Variants in NKAIN3 observed in about 807,000 individuals in gnomAD.
NKAIN3 encodes the protein sodium/potassium-transporting ATPase subunit beta-1-interacting protein 3.
NKAIN3 carries 25 observed loss-of-function variants against 30.2 expected under a neutral mutation model. The ratio of observed to expected loss-of-function variants is 0.83; its 90% CI spans 0.60 to 1.16. The LOEUF is 1.16. Among genes scored for constraint, NKAIN3 ranks in the 50% most tolerant of loss-of-function variants. NKAIN3 has a pLI of 0.00. For missense variants in NKAIN3, 225 were observed against 254.1 expected (o/e 0.89, Z 0.78); for synonymous variants, 91 against 89.6 (o/e 1.02, Z -0.09).
intron 3 of NKAIN3, among the ~76,000 whole-genome samples, chr8:62,658,427 C>A (rs1379230159): frequency 3.3e-5 from 5 of 152,250 alleles, no homozygotes; most frequent in Middle Eastern, 3.4e-3. Context: ...TTAGTTGAGG[C>A]TATCATCGGG....
At position 62,387,430 on chromosome 8, in the gene NKAIN3, C is replaced by G. The variant is rs997219224; in HGVS notation, c.54+138303C>G. 2.0e-5 allele frequency among the ~76,000 whole-genome samples: 3 copies of G among 151,962 alleles called. No homozygotes were observed. The East Asian group carries it at 5.8e-4, about 29-fold the overall frequency. ...TGATTAAGTCACTGTCAGCTGCTTTCTGCATGTAAACACCCATCCACATTG... is the reference window on the plus strand; with the variant it reads ...TGATTAAGTCACTGTCAGCTGCTTTGTGCATGTAAACACCCATCCACATTG... On this transcript the variant is annotated intron_variant, in intron 1 of 6. Coordinates refer to ENST00000623646, the MANE Select transcript of NKAIN3 (RefSeq NM_001304533.3).
At chr8:62,320,894 G>T (rs554577461) in intron 1 of NKAIN3, among the ~76,000 whole-genome samples, 34 of 152,208 alleles carry the variant, frequency 2.2e-4, no homozygotes, top group Middle Eastern at 6.8e-3. Flanking sequence ...TGCTAGATTG[G>T]GGAAGTTCTC....
At chr8:62,255,016 G>A (rs979634952) in intron 1 of NKAIN3, among the ~76,000 whole-genome samples, 3 of 152,106 alleles carry the variant, frequency 2.0e-5, no homozygotes, top group Non-Finnish European at 1.5e-5. Context: ...GAAGAATTTC[G>A]TCCTCTAAAA....
intron 3 of NKAIN3, among the ~76,000 whole-genome samples, chr8:62,606,559 T>C (rs2130168720): frequency 6.6e-6 from 1 of 152,244 alleles, no homozygotes; most frequent in East Asian, 1.9e-4. Flanking sequence ...ACAAGCACTA[T>C]ATCCCCACAC....
intron 1 of NKAIN3, among the ~76,000 whole-genome samples, chr8:62,518,706 A>G (rs1008177187): frequency 6.6e-6 from 1 of 152,188 alleles, no homozygotes; most frequent in Admixed American, 6.5e-5. Flanking sequence ...TTTTAAAACT[A>G]TGATTTTTCA....
intron 3 of NKAIN3, among the ~76,000 whole-genome samples, chr8:62,628,338 G>A (rs1811851070): frequency 6.6e-6 from 1 of 152,116 alleles, no homozygotes; most frequent in Non-Finnish European, 1.5e-5. Flanking sequence ...CATTATTGAT[G>A]TACTAAAGTT....
In NKAIN3 at chr8:62,548,648, A is replaced by G. The variant is rs116501281; in HGVS notation, c.55-30891A>G. Among the ~76,000 whole-genome samples the G allele has an allele frequency of 4.1e-3, 630 of 152,288 alleles. 3 individuals carry two copies. The highest frequency in any genetic ancestry group is 0.014 in the African/African-American group (591 of 41,566). On this transcript the variant is annotated intron_variant, in intron 1 of 6. Coordinates refer to ENST00000623646, the MANE Select transcript of NKAIN3 (RefSeq NM_001304533.3). ...CAGTGGAGTAAAATGTCAGAAAATA[A>G]AAATTGTGAAAATTCTAACATGGAA...
At chr8:62,536,258 A>G (rs1808659328) in intron 1 of NKAIN3, among the ~76,000 whole-genome samples, 1 of 152,182 alleles carries the variant, frequency 6.6e-6, no homozygotes, top group African/African-American at 2.4e-5. Context: ...AATTACTTCA[A>G]AAAGCAATGC....
In NKAIN3 at chr8:62,942,175, TATATATATATACAC is replaced by T. The variant is rs1364487307; in HGVS notation, c.533-11717_533-11704del. Among the ~76,000 whole-genome samples the T allele has an allele frequency of 5.9e-4, 86 of 145,956 alleles. 1 individual carries two copies. The highest frequency in any genetic ancestry group is 3.6e-3 in the Middle Eastern group (1 of 276). ...ATCCTTTTACAATAGCTGCAATATA[TATATATATATACAC>T]ATATATATACACACATATATATACA... On this transcript the variant is annotated intron_variant, in intron 5 of 6. Coordinates refer to ENST00000623646, the MANE Select transcript of NKAIN3 (RefSeq NM_001304533.3).
At chr8:62,691,891 G>A (rs1462202632) in intron 3 of NKAIN3, among the ~76,000 whole-genome samples, 1 of 152,162 alleles carries the variant, frequency 6.6e-6, no homozygotes, top group Non-Finnish European at 1.5e-5. Flanking sequence ...GAATCGAAGA[G>A]CAAGCTAATA....
chr8:62,665,699 A>G (rs1813077119), intron 3 of NKAIN3, among the ~76,000 whole-genome samples: 1 of 152,140 alleles, frequency 6.6e-6, no homozygotes, highest in South Asian at 2.1e-4. Flanking sequence ...AATGGCTTCC[A>G]AGAATAGTCT....
intron 1 of NKAIN3, among the ~76,000 whole-genome samples, chr8:62,535,573 A>G: frequency 6.6e-6 from 1 of 152,158 alleles, no homozygotes. Flanking sequence ...TGGCTCACAG[A>G]ACTCAGGGAA....
intron 3 of NKAIN3, among the ~76,000 whole-genome samples, chr8:62,620,266 G>A (rs151186789): frequency 9.3e-4 from 141 of 152,132 alleles, no homozygotes; most frequent in African/African-American, 3.1e-3. Flanking sequence ...GGTATAGGGT[G>A]GGCACCTCTC....
chr8:62,686,930 G>C (rs1813817375), intron 3 of NKAIN3, among the ~76,000 whole-genome samples: 2 of 152,228 alleles, frequency 1.3e-5, no homozygotes, highest in South Asian at 4.2e-4. Context: ...GTTTACCCAA[G>C]GCTAACAGAT....
At chr8:62,842,895 A>G (rs778427719) in intron 4 of NKAIN3, among the ~76,000 whole-genome samples, 9 of 152,108 alleles carry the variant, frequency 5.9e-5, no homozygotes, top group Non-Finnish European at 1.3e-4. Flanking sequence ...CTGTAAAACT[A>G]CTAGAAGAAA....
At chr8:62,609,163 C>T (rs961772991) in intron 3 of NKAIN3, among the ~76,000 whole-genome samples, 4 of 152,150 alleles carry the variant, frequency 2.6e-5, no homozygotes, top group Admixed American at 6.5e-5. Context: ...TTATTTTTCA[C>T]TAAATCATCA....
At chr8:62,745,066 A>G (rs1480126) in intron 3 of NKAIN3, among the ~76,000 whole-genome samples, 116,379 of 152,122 alleles carry the variant, frequency 0.77, 44,761 homozygotes, top group Admixed American at 0.82. Context: ...CAGTGTAAAA[A>G]GAGGGTTTCC....
At chr8:62,600,040 A>T (rs1810943651) in intron 3 of NKAIN3, among the ~76,000 whole-genome samples, 1 of 152,076 alleles carries the variant, frequency 6.6e-6, no homozygotes, top group Non-Finnish European at 1.5e-5. Context: ...TAATACTTTT[A>T]TTCCAAAGAA....
chr8:62,971,454 T>C lies in NKAIN3; in HGVS notation c.*6047T>C, dbSNP rs1235675149. On this transcript the variant is annotated 3_prime_UTR_variant, in exon 7 of 7. Transcript: ENST00000623646. ...GAGTTCGAGACCAGCCTGAGCAACATGGCAAAACCCCATACCTACAAAAAA... is the reference window on the plus strand; with the variant it reads ...GAGTTCGAGACCAGCCTGAGCAACACGGCAAAACCCCATACCTACAAAAAA... 3.3e-5 allele frequency among the ~76,000 whole-genome samples: 5 copies of C among 152,092 alleles called. No individual in the cohort carries two copies. The highest frequency in any genetic ancestry group is 1.2e-4 in the African/African-American group (5 of 41,466).
Sources: gnomAD v4.1 joint callset for allele counts (sites outside exome capture counted in the v4.1 genomes callset) on GRCh38, gnomAD v4.1.1 for gene constraint, MANE v1.5 for transcripts, NCBI Gene and HGNC (gene_info 2026-07-23, HGNC 2026-07-21) for gene names.